Variants in NEK1 observed in about 807,000 individuals in gnomAD.
NEK1 encodes serine/threonine-protein kinase Nek1.
In NEK1, 137 loss-of-function variants were observed where a neutral mutation model predicts 182.1. That is an observed-to-expected ratio of 0.75 (90% CI 0.65 to 0.87). The LOEUF (loss-of-function observed/expected upper bound fraction) is 0.87, where lower values mean the gene tolerates loss of function less well. NEK1 is among the 40% of genes least tolerant of loss of function. NEK1 has a pLI of 0.00. For missense variants in NEK1, 1,391 were observed against 1,494.4 expected (o/e 0.93, Z 1.14); for synonymous variants, 513 against 492.2 (o/e 1.04, Z -0.56).
intron 5 of NEK1, among the ~76,000 whole-genome samples, chr4:169,592,902 C>A (rs1768783861): frequency 6.6e-6 from 1 of 151,776 alleles, no homozygotes; most frequent in African/African-American, 2.4e-5. Context: ...GAGATATATA[C>A]AATAAGACAG....
intron 27 of NEK1, among the ~76,000 whole-genome samples, chr4:169,444,646 A>C (rs1740153269): frequency 6.6e-6 from 1 of 152,180 alleles, no homozygotes; most frequent in Non-Finnish European, 1.5e-5. Context: ...ACTCCAATAT[A>C]ATAAGAGTTG....
chr4:169,479,638 G>GT, intron 23 of NEK1, 104 bp from the exon 24 acceptor site: 1 of 921,940 alleles, frequency 1.1e-6, no homozygotes, highest in Non-Finnish European at 1.6e-6. Flanking sequence ...TCCACAAGTA[G>GT]TTTTTTTCAT....
intron 19 of NEK1, among the ~76,000 whole-genome samples, chr4:169,536,132 T>TA (rs1171220505): frequency 2.0e-5 from 3 of 151,242 alleles, no homozygotes; most frequent in Admixed American, 1.3e-4. Context: ...CCATCTTTAC[T>TA]AAAAAAATAC....
intron 2 of NEK1, among the ~76,000 whole-genome samples, chr4:169,609,060 CAA>C (rs540854284): frequency 2.9e-4 from 24 of 82,528 alleles, no homozygotes; most frequent in East Asian, 3.9e-4. Flanking sequence ...GACTCCTTCT[CAA>C]AAAAAAAAAA....
intron 23 of NEK1, among the ~76,000 whole-genome samples, chr4:169,505,294 C>A (rs1389345725): frequency 1.3e-5 from 2 of 151,958 alleles, no homozygotes; most frequent in Non-Finnish European, 1.5e-5. Context: ...TCTGCCTCTG[C>A]CACCCGAGAC....
intron 26 of NEK1, 22 bp from the exon 27 acceptor site, chr4:169,463,417 A>G: frequency 6.4e-7 from 1 of 1,565,850 alleles, no homozygotes; most frequent in Non-Finnish European, 8.7e-7. Context: ...ATATACAAAG[A>G]AACAATTTTC....
chr4:169,586,605 G>A (rs549746956), intron 9 of NEK1, among the ~76,000 whole-genome samples: 2 of 151,908 alleles, frequency 1.3e-5, no homozygotes, highest in East Asian at 1.9e-4. Context: ...CAAACCAATG[G>A]TTTAAAGCTC....
chr4:169,397,865 G>C (rs778991687), intron 35 of NEK1, among the ~76,000 whole-genome samples: 1 of 152,198 alleles, frequency 6.6e-6, no homozygotes, highest in African/African-American at 2.4e-5. Flanking sequence ...CCAGATACTT[G>C]TTGAGCAAAA....
At chr4:169,461,117 A>C (rs1743884083) in intron 27 of NEK1, among the ~76,000 whole-genome samples, 1 of 152,194 alleles carries the variant, frequency 6.6e-6, no homozygotes, top group Non-Finnish European at 1.5e-5. Flanking sequence ...AGTCAGAGGA[A>C]CTTATCCATT....
At chr4:169,463,565 T>C (rs1744377896) in intron 26 of NEK1, among the ~76,000 whole-genome samples, 170 bp from the exon 27 acceptor site, 1 of 152,052 alleles carries the variant, frequency 6.6e-6, no homozygotes, top group African/African-American at 2.4e-5. Context: ...CAGAAGCAAA[T>C]GAAACTAGCA....
chr4:169,502,226 C>G (rs913163502), intron 23 of NEK1, among the ~76,000 whole-genome samples: 1 of 138,992 alleles, frequency 7.2e-6, no homozygotes, highest in African/African-American at 2.7e-5. Flanking sequence ...ATAATGAGTA[C>G]AAAATTGAAA....
intron 7 of NEK1, among the ~76,000 whole-genome samples, 197 bp from the exon 8 acceptor site, chr4:169,588,932 A>G (rs959228406): frequency 1.3e-5 from 2 of 152,160 alleles, no homozygotes; most frequent in Non-Finnish European, 2.9e-5. Flanking sequence ...TAATAAATTT[A>G]GTATAGCCGA....
Position 169,424,671 on chromosome 4 carries a change from C to T in NEK1, c.3104G>A (p.Cys1035Tyr). 1 of 1,613,824 alleles carries T rather than the reference C, an allele frequency of 6.2e-7. No individual in the cohort carries two copies. The highest frequency in any genetic ancestry group is 8.5e-7 in the Non-Finnish European group (1 of 1,179,826). The change falls in exon 31 of 36, where the codon TGT becomes TAT. Residue 1035 changes from cysteine to tyrosine, a missense_variant. Cys to Tyr is a radical substitution (Grantham distance 194). This residue lies in a region of NEK1 where 1,216 missense variants were observed against 1,277.6 expected (regional missense o/e 0.95). Coordinates refer to ENST00000507142, the MANE Select transcript of NEK1 (RefSeq NM_001199397.3). ...AAATGCAAAGGATTCTTCTGGTGAA[C>T]ACTGAACTGATTGAACTTGAGGGAC... ...NLVPQVQSVQ[C>Y]SPEESFAFRS...
At chr4:169,551,945 A>G (rs1761486822) in intron 18 of NEK1, among the ~76,000 whole-genome samples, 1 of 152,164 alleles carries the variant, frequency 6.6e-6, no homozygotes, top group East Asian at 1.9e-4. Context: ...TTAAAACAGA[A>G]ATACGTGAAA....
chr4:169,531,108 G>A (rs1413603694), intron 19 of NEK1, among the ~76,000 whole-genome samples: 2 of 151,830 alleles, frequency 1.3e-5, no homozygotes, highest in Non-Finnish European at 1.5e-5. Context: ...TTCTATAGAA[G>A]GCATTAAGAA....
At chr4:169,559,643 T>G (rs1227898749) in intron 16 of NEK1, among the ~76,000 whole-genome samples, 2 of 152,192 alleles carry the variant, frequency 1.3e-5, no homozygotes, top group African/African-American at 4.8e-5. Context: ...TTGATCCAAT[T>G]TGACAAGTAT....
chr4:169,423,893 A>C (rs564177324), intron 31 of NEK1, among the ~76,000 whole-genome samples: 1 of 152,334 alleles, frequency 6.6e-6, no homozygotes, highest in African/African-American at 2.4e-5. Context: ...TTTTCATCAC[A>C]GTATTGTAAT....
Position 169,394,187 on chromosome 4 carries a change from A to C in NEK1, c.*323T>G, listed in dbSNP as rs1730327753. 1.4e-5 allele frequency: 3 copies of C among 210,198 alleles called. No homozygotes were observed. In the South Asian group the frequency reaches 3.3e-4, roughly 23 times the overall value. 13.0% of individuals were successfully genotyped at this position (210,198 alleles called of 1,614,324 possible). ...AACCTAAAGACATTTGCTGAAACTC[A>C]AAGTTACCCTATTGCATAGTAAATC... is the stretch of plus-strand genomic sequence containing the variant. On this transcript the variant is annotated 3_prime_UTR_variant, in exon 36 of 36. Coordinates refer to ENST00000507142, the MANE Select transcript of NEK1 (RefSeq NM_001199397.3).
intron 12 of NEK1, among the ~76,000 whole-genome samples, chr4:169,574,959 G>A (rs1765458159): frequency 6.6e-6 from 1 of 152,188 alleles, no homozygotes; most frequent in South Asian, 2.1e-4. Flanking sequence ...TTTTCTGGAA[G>A]AGATTACAGG....
Sources: gnomAD v4.1 joint callset for allele counts (sites outside exome capture counted in the v4.1 genomes callset) on GRCh38, gnomAD v4.1.1 for gene constraint, gnomAD v4.1.1 regional missense constraint, MANE v1.5 for transcripts, NCBI Gene and HGNC (gene_info 2026-07-23, HGNC 2026-07-21) for gene names.